Variants in MITF observed in about 807,000 individuals in gnomAD.
The protein encoded by MITF is microphthalmia-associated transcription factor.
Under a neutral mutation model 60.5 loss-of-function variants are expected in MITF, and 17 were observed. The observed-to-expected ratio is 0.28, with a 90% CI of 0.19 to 0.42. The LOEUF (loss-of-function observed/expected upper bound fraction) is 0.42, where lower values mean the gene tolerates loss of function less well. Ranked by LOEUF, MITF falls within the 10% of genes least tolerant of loss-of-function variation. MITF has a pLI of 1.00. For missense variants in MITF, 622 were observed against 683.5 expected, an observed-to-expected ratio of 0.91 and a Z score of 1.00; for synonymous variants, 260 against 248.5, an observed-to-expected ratio of 1.05 and a Z score of -0.43.
At position 69,773,910 on chromosome 3, in the gene MITF, A is replaced by G. The variant is rs577070593; in HGVS notation, c.104+34209A>G. Among the ~76,000 whole-genome samples the G allele has an allele frequency of 3.9e-5, 6 of 152,338 alleles. No homozygotes were observed. The East Asian group carries it at 7.7e-4, about 20-fold the overall frequency. ...TGCACTGAGCTATCAGTTGGGATAC[A>G]GTGATAAATAAGACACAGCGTCTTA... On this transcript the variant is annotated intron_variant, in intron 1 of 9. Transcript: ENST00000352241.
chr3:69,786,170 G>C (rs1391781939), intron 1 of MITF, among the ~76,000 whole-genome samples: 1 of 152,162 alleles, frequency 6.6e-6, no homozygotes, highest in African/African-American at 2.4e-5. Flanking sequence ...TTGACTCCTA[G>C]AGGGAAATCA....
intron 2 of MITF, among the ~76,000 whole-genome samples, chr3:69,880,595 G>A (rs1052361909): frequency 2.6e-5 from 4 of 151,784 alleles, no homozygotes; most frequent in African/African-American, 4.8e-5. Context: ...TTTTTTACCC[G>A]TCAGTTAACT....
chr3:69,889,025 G>GTTTTTTTTTTTTTTTTT (rs4057977), intron 2 of MITF, among the ~76,000 whole-genome samples: 3 of 58,804 alleles, frequency 5.1e-5, no homozygotes, highest in African/African-American at 1.3e-4. Context: ...ATAGCCTTTG[G>GTTTTTTTTTTTTTTTTT]TTTTTTTTTT....
intron 1 of MITF, chr3:69,763,811 C>G (rs1273113973): frequency 2.2e-6 from 3 of 1,363,872 alleles, no homozygotes; most frequent in Non-Finnish European, 2.9e-6. Flanking sequence ...CTTGGGAATT[C>G]AGACCTATTC....
chr3:69,787,265 T>G (rs2062665900), intron 1 of MITF, among the ~76,000 whole-genome samples: 2 of 152,212 alleles, frequency 1.3e-5, no homozygotes, highest in African/African-American at 4.8e-5. Context: ...GGGACTGAAC[T>G]TCACCAAAGG....
At chr3:69,879,434 A>T (rs765632175) in intron 2 of MITF, 51 bp downstream of exon 2, 2 of 1,612,672 alleles carry the variant, frequency 1.2e-6, no homozygotes, top group African/African-American at 2.7e-5. Flanking sequence ...TCCATTTTCC[A>T]TTTGCTAGGT....
At chr3:69,786,247 C>T (rs1003434986) in intron 1 of MITF, among the ~76,000 whole-genome samples, 2 of 152,138 alleles carry the variant, frequency 1.3e-5, no homozygotes, top group Non-Finnish European at 2.9e-5. Context: ...CCACAATTTA[C>T]CTGATGTTTT....
At chr3:69,890,566 G>GT (rs1412272017) in intron 2 of MITF, among the ~76,000 whole-genome samples, 3 of 152,046 alleles carry the variant, frequency 2.0e-5, no homozygotes, top group South Asian at 2.1e-4. Flanking sequence ...TGAAAACTAG[G>GT]TTTTTTTGGT....
intron 1 of MITF, among the ~76,000 whole-genome samples, chr3:69,743,514 C>T (rs570293081): frequency 6.6e-6 from 1 of 152,320 alleles, no homozygotes; most frequent in African/African-American, 2.4e-5. Context: ...CTAACCCAGA[C>T]ATCCTTGCCT....
chr3:69,928,924 C>G (rs1033440087), intron 2 of MITF, among the ~76,000 whole-genome samples: 3 of 152,096 alleles, frequency 2.0e-5, no homozygotes, highest in Admixed American at 6.6e-5. Flanking sequence ...TGTTGTACTG[C>G]TAGATGAGAG....
Position 69,739,618 on chromosome 3 carries a change from C to A in MITF, c.21C>A (p.Ile7=). 3 of 1,579,908 alleles carry A rather than the reference C, an allele frequency of 1.9e-6. No homozygotes were observed. The highest frequency in any genetic ancestry group is 2.6e-6 in the Non-Finnish European group (3 of 1,161,140). Reference sequence around the variant, plus strand: ...GAGCCATGCAGTCCGAATCGGGGATCGTGCCGGATTTCGAAGTCGGGGAGG... The same window carrying A: ...GAGCCATGCAGTCCGAATCGGGGATAGTGCCGGATTTCGAAGTCGGGGAGG... MQSESG[I]VPDFEVGEEF... The change falls in exon 1 of 10, where the codon ATC becomes ATA. Residue 7 remains isoleucine (I), a synonymous_variant. Coordinates refer to ENST00000352241, the MANE Select transcript of MITF (RefSeq NM_001354604.2).
At chr3:69,946,350 C>T (rs537430060) in intron 5 of MITF, among the ~76,000 whole-genome samples, 16 of 152,224 alleles carry the variant, frequency 1.1e-4, no homozygotes, top group South Asian at 1.0e-3. Context: ...GGCTAGTAAG[C>T]GGCAGGGTTT....
chr3:69,881,104 T>A (rs1022318967), intron 2 of MITF, among the ~76,000 whole-genome samples: 1 of 152,066 alleles, frequency 6.6e-6, no homozygotes, highest in African/African-American at 2.4e-5. Flanking sequence ...AAATCTACAT[T>A]AAGTTGTTTG....
chr3:69,857,719 C>T (rs2063943956), intron 1 of MITF, among the ~76,000 whole-genome samples: 1 of 152,094 alleles, frequency 6.6e-6, no homozygotes, highest in African/African-American at 2.4e-5. Context: ...TTCAGCATTA[C>T]CCCAGAACAT....
chr3:69,817,783 TAAC>T (rs1222416745), intron 1 of MITF, among the ~76,000 whole-genome samples: 1 of 152,184 alleles, frequency 6.6e-6, no homozygotes, highest in Non-Finnish European at 1.5e-5. Context: ...ATAAATGTAA[TAAC>T]AATAATGTAC....
At chr3:69,741,063 C>G (rs969282637) in intron 1 of MITF, among the ~76,000 whole-genome samples, 1 of 152,184 alleles carries the variant, frequency 6.6e-6, no homozygotes, top group Non-Finnish European at 1.5e-5. Flanking sequence ...GCTGAAGACT[C>G]TTTGTAGATG....
chr3:69,907,216 T>A (rs2065118866), intron 2 of MITF, among the ~76,000 whole-genome samples: 1 of 152,156 alleles, frequency 6.6e-6, no homozygotes, highest in African/African-American at 2.4e-5. Context: ...AAGTCGTCCA[T>A]TGAGCTCTGG....
At chr3:69,882,852 A>G (rs1247879525) in intron 2 of MITF, among the ~76,000 whole-genome samples, 1 of 152,108 alleles carries the variant, frequency 6.6e-6, no homozygotes, top group African/African-American at 2.4e-5. Context: ...ATCCTGGACT[A>G]AGTTCATCAG....
intron 1 of MITF, among the ~76,000 whole-genome samples, chr3:69,804,235 T>G (rs1231841627): frequency 2.6e-5 from 4 of 152,152 alleles, no homozygotes; most frequent in African/African-American, 4.8e-5. Flanking sequence ...TGATCAAGTT[T>G]TGTTAGATTT....
Sources: gnomAD v4.1 joint callset for allele counts (sites outside exome capture counted in the v4.1 genomes callset) on GRCh38, gnomAD v4.1.1 for gene constraint, MANE v1.5 for transcripts, NCBI Gene and HGNC (gene_info 2026-07-23, HGNC 2026-07-21) for gene names.